The following ABCB10 variants were observed in gnomAD, a reference collection of about 807,000 sequenced individuals.
ABCB10 encodes the protein ATP-binding cassette sub-family B member 10, mitochondrial.
In ABCB10, 54 loss-of-function variants were observed where a neutral mutation model predicts 65.4. The ratio of observed to expected loss-of-function variants is 0.83; its 90% confidence interval spans 0.66 to 1.04. The LOEUF (loss-of-function observed/expected upper bound fraction) is 1.04. Among genes scored for constraint, ABCB10 ranks in the 50% least tolerant of loss-of-function variants. The probability of loss-of-function intolerance (pLI) is 0.00; values close to 1 mark genes in which losing one functional copy is unlikely to be tolerated. For missense variants in ABCB10, 846 were observed against 976.6 expected, an observed-to-expected ratio of 0.87 and a Z score of 1.78; for synonymous variants, 418 against 406.5, an observed-to-expected ratio of 1.03 and a Z score of -0.34.
At chr1:229,537,840 C>A (rs982661696) in intron 6 of ABCB10, among the ~76,000 whole-genome samples, 3 of 152,170 alleles carry the variant, frequency 2.0e-5, no homozygotes, top group South Asian at 2.1e-4. Flanking sequence ...CACTTAAAAT[C>A]TAATTTAAGT....
At chr1:229,532,924 T>C (rs11810108) in intron 6 of ABCB10, among the ~76,000 whole-genome samples, 48,274 of 152,070 alleles carry the variant, frequency 0.32, 9,335 homozygotes, top group African/African-American at 0.54. Context: ...TTCACAGTAG[T>C]AAAAACTGAA....
intron 8 of ABCB10, among the ~76,000 whole-genome samples, chr1:229,529,452 C>T (rs373361503): frequency 3.3e-4 from 50 of 150,242 alleles, no homozygotes; most frequent in East Asian, 1.4e-3. Flanking sequence ...GGGTGGATCA[C>T]GAGGTCAGGA....
chr1:229,527,847 C>T (rs138761760), intron 8 of ABCB10, among the ~76,000 whole-genome samples: 4 of 152,338 alleles, frequency 2.6e-5, no homozygotes, highest in East Asian at 1.9e-4. Context: ...GAAGTACAAT[C>T]TAGAATCTAT....
chr1:229,524,006 T>C (rs768563726), intron 10 of ABCB10, among the ~76,000 whole-genome samples: 8 of 151,952 alleles, frequency 5.3e-5, no homozygotes, highest in African/African-American at 1.7e-4. Context: ...TTAAATCATA[T>C]ACAATAAGCT....
intron 7 of ABCB10, among the ~76,000 whole-genome samples, 180 bp from the exon 8 acceptor site, chr1:229,530,588 T>C (rs1378081709): frequency 2.0e-5 from 3 of 152,188 alleles, no homozygotes; most frequent in African/African-American, 7.2e-5. Context: ...ACGTGCCAAC[T>C]CTGCACCTAC....
chr1:229,555,139 C>G (rs561972259), intron 1 of ABCB10, among the ~76,000 whole-genome samples: 3 of 152,328 alleles, frequency 2.0e-5, no homozygotes, highest in South Asian at 4.1e-4. Flanking sequence ...CGAAGCCCCC[C>G]ACACAAAAAA....
chr1:229,558,579 G>C lies in ABCB10; in HGVS notation c.74C>G (p.Pro25Arg), dbSNP rs1663325400. The change falls in exon 1 of 13, where the codon CCG becomes CGG. Residue 25 changes from proline (P) to arginine (R), a missense_variant. Around this residue, in one of 2 missense-constraint regions of ABCB10, gnomAD observed 214 missense variants for 173.5 expected, o/e 1.23. Coordinates refer to ENST00000344517, the MANE Select transcript of ABCB10 (RefSeq NM_012089.3). The part of the protein sequence containing the change: ...PSPAEPGRLL[P>R]VACVWAAASR... Reference sequence around the variant, plus strand: ...GGCCGCGGCCCACACGCAGGCTACCGGCAGGAGCCGACCTGGCTCGGCAGG... The same window carrying C: ...GGCCGCGGCCCACACGCAGGCTACCCGCAGGAGCCGACCTGGCTCGGCAGG... 2 of 1,444,858 alleles carry C rather than the reference G, an allele frequency of 1.4e-6. No homozygotes were observed. Among genetic ancestry groups the C allele is most frequent in the East Asian group, 6.4e-5 (2 of 31,452 alleles). The allele number at this position is 1,444,858 out of a possible 1,614,324, so 89.5% of individuals were successfully genotyped here. A position where few individuals can be genotyped will look rare whatever the true frequency, so the allele number is the denominator to read the frequency against.
intron 5 of ABCB10, among the ~76,000 whole-genome samples, 154 bp from the exon 6 acceptor site, chr1:229,539,745 G>C (rs1246758471): frequency 6.6e-6 from 1 of 152,128 alleles, no homozygotes; most frequent in African/African-American, 2.4e-5. Context: ...ATTAAAAATG[G>C]TTTTGTAATA....
chr1:229,542,186 G>C (rs968451625), intron 4 of ABCB10, 51 bp downstream of exon 4: 3 of 1,599,144 alleles, frequency 1.9e-6, no homozygotes, highest in African/African-American at 1.3e-5. Flanking sequence ...CTAGGATCCT[G>C]GCTATGACCC....
chr1:229,550,791 G>A (rs1663089517), intron 1 of ABCB10, among the ~76,000 whole-genome samples: 1 of 151,662 alleles, frequency 6.6e-6, no homozygotes, highest in Non-Finnish European at 1.5e-5. Context: ...TTGAACCCAG[G>A]AGGTGGAGGT....
chr1:229,558,454 G>A lies in ABCB10; in HGVS notation c.199C>T (p.Arg67Cys), dbSNP rs1663319859. ...ALLWGVGAARRWRSGCRGGGP... is the reference protein window; with the variant it reads ...ALLWGVGAARCWRSGCRGGGP... ...CCGCCCCGGCAGCCGCTCCTCCAGCGGCGCGCGGCTCCAACGCCCCAGAGC... is the reference window on the plus strand; with the variant it reads ...CCGCCCCGGCAGCCGCTCCTCCAGCAGCGCGCGGCTCCAACGCCCCAGAGC... Residue 67 changes from arginine to cysteine, a missense_variant, in exon 1 of 13, where the codon CGC becomes TGC. This residue lies in a region of ABCB10 where 214 missense variants were observed against 173.5 expected (regional missense o/e 1.23). Coordinates refer to ENST00000344517, the MANE Select transcript of ABCB10 (RefSeq NM_012089.3). The A allele has an allele frequency of 3.3e-6, 4 of 1,223,614 alleles. No homozygotes were observed. Among genetic ancestry groups the A allele is most frequent in the Non-Finnish European group, 3.0e-6 (3 of 985,386 alleles). 75.8% of individuals were successfully genotyped at this position (1,223,614 alleles called of 1,614,324 possible).
chr1:229,543,614 C>T (rs1332553934), intron 3 of ABCB10, among the ~76,000 whole-genome samples: 2 of 152,286 alleles, frequency 1.3e-5, no homozygotes, highest in African/African-American at 2.4e-5. Flanking sequence ...ATAACCAACC[C>T]TCACAGAGTT....
At chr1:229,526,733 C>A (rs11578557) in intron 9 of ABCB10, among the ~76,000 whole-genome samples, 7,130 of 152,296 alleles carry the variant, frequency 0.047, 262 homozygotes, top group Middle Eastern at 0.071. Flanking sequence ...TTTCCCTGCC[C>A]CAAAGGGTCT....
intron 2 of ABCB10, 54 bp downstream of exon 2, chr1:229,549,180 G>A (rs1311307929): frequency 6.3e-7 from 1 of 1,595,574 alleles, no homozygotes; most frequent in South Asian, 1.1e-5. Context: ...CAAACCCACA[G>A]GACTCTACAT....
Position 229,558,550 on chromosome 1 carries a change from G to T in ABCB10, c.103C>A (p.Arg35Ser). The T allele has an allele frequency of 6.9e-7, 1 of 1,441,682 alleles. No individual in the cohort carries two copies. Among genetic ancestry groups the T allele is most frequent in the Non-Finnish European group, 9.1e-7 (1 of 1,098,732 alleles). The allele number at this position is 1,441,682 out of a possible 1,614,324, so 89.3% of individuals were successfully genotyped here. The change falls in exon 1 of 13, where the codon CGC (arginine) becomes AGC (serine). Residue 35 changes from arginine to serine, a missense_variant. Transcript: ENST00000344517. The stretch of plus-strand genomic sequence containing the variant: ...AACGGCGATAGGGACCCGGGAACGC[G>T]GCTGGCCGCGGCCCACACGCAGGCT... ...PVACVWAAAS[R>S]VPGSLSPFTG...
chr1:229,520,812 T>C (rs946214791), intron 11 of ABCB10, among the ~76,000 whole-genome samples: 12 of 152,182 alleles, frequency 7.9e-5, no homozygotes, highest in African/African-American at 2.9e-4. Flanking sequence ...AAAAACCATA[T>C]ATCGTCTGAT....
intron 1 of ABCB10, among the ~76,000 whole-genome samples, chr1:229,556,973 G>A (rs1571806399): frequency 6.6e-6 from 1 of 152,174 alleles, no homozygotes; most frequent in East Asian, 1.9e-4. Flanking sequence ...TTTAAAAAGA[G>A]GAAAGAGAAA....
At chr1:229,518,950 A>G (rs1273215295) in intron 11 of ABCB10, 75 bp from the exon 12 acceptor site, 8 of 1,262,124 alleles carry the variant, frequency 6.3e-6, no homozygotes, top group Non-Finnish European at 9.0e-6. Flanking sequence ...TAAAAAAGGA[A>G]TAAAATTCTG....
In ABCB10 at chr1:229,549,355, G is replaced by C. The variant is rs757069996; in HGVS notation, c.597C>G (p.Ile199Met). The C allele has an allele frequency of 1.2e-6, 2 of 1,614,174 alleles. No homozygotes were observed. Among genetic ancestry groups the C allele is most frequent in the Non-Finnish European group, 1.7e-6 (2 of 1,180,032 alleles). ...PFFLGKIIDV[I>M]YTNPTVDYSD... Reference sequence around the variant, plus strand: ...TGTAGTCCACAGTGGGGTTGGTATAGATGACATCAATGATCTTCCCCAGGA... The same window carrying C: ...TGTAGTCCACAGTGGGGTTGGTATACATGACATCAATGATCTTCCCCAGGA... The change falls in exon 2 of 13, where the codon ATC becomes ATG. Residue 199 changes from isoleucine (I) to methionine (M), a missense_variant. By Grantham distance (10) the Ile-to-Met change is conservative. Transcript: ENST00000344517.
Sources: allele counts gnomAD v4.1 joint callset (sites outside exome capture counted in the v4.1 genomes callset), GRCh38; gene constraint gnomAD v4.1.1; regional missense constraint gnomAD v4.1.1; transcripts MANE v1.5; gene names NCBI Gene and HGNC (gene_info 2026-07-23, HGNC 2026-07-21).